The following AKT3 variants were observed in gnomAD, a reference collection of about 807,000 sequenced individuals.
AKT3 encodes the protein RAC-gamma serine/threonine-protein kinase.
A neutral mutation model predicts 65.3 loss-of-function variants in AKT3; 15 were observed. The observed-to-expected ratio is 0.23, with a 90% CI of 0.15 to 0.35. The LOEUF (loss-of-function observed/expected upper bound fraction) is 0.35, where lower values mean the gene tolerates loss of function less well. Among genes scored for constraint, AKT3 ranks in the 10% least tolerant of loss-of-function variants. The probability of loss-of-function intolerance (pLI) is 1.00; values close to 1 mark genes in which losing one functional copy is unlikely to be tolerated. For missense variants in AKT3, 243 were observed against 576.5 expected, an observed-to-expected ratio of 0.42 and a Z score of 5.92; for synonymous variants, 206 against 183.8, an observed-to-expected ratio of 1.12 and a Z score of -0.98.
chr1:243,506,510 AGAG>A (rs1375399759), intron 13 of AKT3, among the ~76,000 whole-genome samples: 2 of 152,246 alleles, frequency 1.3e-5, no homozygotes, highest in African/African-American at 4.8e-5. Flanking sequence ...GTCACTCCGA[AGAG>A]GAGGGGGCTC....
At chr1:243,796,772 A>G (rs1006730858) in intron 2 of AKT3, among the ~76,000 whole-genome samples, 11 of 152,108 alleles carry the variant, frequency 7.2e-5, no homozygotes, top group African/African-American at 2.7e-4. Context: ...AATGTGGTAC[A>G]TCCATATTAT....
chr1:243,579,870 T>G, intron 8 of AKT3, among the ~76,000 whole-genome samples: 1 of 152,128 alleles, frequency 6.6e-6, no homozygotes, highest in East Asian at 1.9e-4. Context: ...CAACAATAAT[T>G]AACTCTGAAG....
chr1:243,836,982 C>G (rs1694935067), intron 2 of AKT3, among the ~76,000 whole-genome samples: 6 of 150,030 alleles, frequency 4.0e-5, no homozygotes, highest in African/African-American at 1.5e-4. Context: ...AAAAAGAGAG[C>G]AAGTATATAA....
chr1:243,753,929 T>C (rs1202288138), intron 2 of AKT3, among the ~76,000 whole-genome samples: 1 of 152,172 alleles, frequency 6.6e-6, no homozygotes, highest in Non-Finnish European at 1.5e-5. Context: ...TAATGTGACA[T>C]AGGTTAGCGC....
intron 13 of AKT3, among the ~76,000 whole-genome samples, chr1:243,511,458 A>T (rs1670009197): frequency 6.6e-6 from 1 of 152,150 alleles, no homozygotes; most frequent in Admixed American, 6.5e-5. Flanking sequence ...AGTCCACATC[A>T]GCACTATGGA....
chr1:243,704,644 C>A (rs559269514), intron 2 of AKT3, among the ~76,000 whole-genome samples: 1 of 152,190 alleles, frequency 6.6e-6, no homozygotes, highest in South Asian at 2.1e-4. Flanking sequence ...GCGTAGGATT[C>A]TTCGATTTGC....
At chr1:243,642,206 T>C (rs897582379) in intron 5 of AKT3, among the ~76,000 whole-genome samples, 7 of 152,268 alleles carry the variant, frequency 4.6e-5, no homozygotes, top group African/African-American at 1.7e-4. Context: ...CAGAATGGTA[T>C]ACACAGTAAT....
At position 243,832,613 on chromosome 1, in the gene AKT3, T is replaced by C. The variant is rs538686933; in HGVS notation, c.46+10512A>G. Among the ~76,000 whole-genome samples, 11 of 152,284 alleles carry C rather than the reference T, an allele frequency of 7.2e-5. No individual in the cohort carries two copies. The South Asian group carries it at 2.3e-3, about 32-fold the overall frequency. On this transcript the variant is annotated intron_variant, in intron 2 of 13. Transcript: ENST00000673466. ...GGAAACTGACTGTAAAGAAGGGAGCTACAAATGAGATTCGCACTGATGTGG... is the reference window on the plus strand; with the variant it reads ...GGAAACTGACTGTAAAGAAGGGAGCCACAAATGAGATTCGCACTGATGTGG...
At chr1:243,810,215 CA>C (rs1335062887) in intron 2 of AKT3, among the ~76,000 whole-genome samples, 1 of 152,032 alleles carries the variant, frequency 6.6e-6, no homozygotes, top group Non-Finnish European at 1.5e-5. Flanking sequence ...AAAAACCCTT[CA>C]AAAAATCAGT....
intron 9 of AKT3, among the ~76,000 whole-genome samples, chr1:243,571,392 C>A (rs979934035): frequency 6.6e-6 from 1 of 152,156 alleles, no homozygotes; most frequent in African/African-American, 2.4e-5. Context: ...CTGACCAAGA[C>A]CATAATCAAT....
chr1:243,772,739 T>C (rs1354587366), intron 2 of AKT3, among the ~76,000 whole-genome samples: 1 of 152,056 alleles, frequency 6.6e-6, no homozygotes, highest in Non-Finnish European at 1.5e-5. Context: ...CATGCACACA[T>C]ATGTTTATTG....
At chr1:243,700,006 C>G (rs532198063) in intron 2 of AKT3, among the ~76,000 whole-genome samples, 2 of 152,306 alleles carry the variant, frequency 1.3e-5, no homozygotes, top group African/African-American at 4.8e-5. Flanking sequence ...TGTGAACCTG[C>G]TGACACCTTG....
chr1:243,605,072 T>A (rs1012023774), intron 8 of AKT3, among the ~76,000 whole-genome samples: 5 of 152,220 alleles, frequency 3.3e-5, no homozygotes, highest in African/African-American at 1.2e-4. Context: ...TTGCCCACGC[T>A]GGAGTGCAGT....
At chr1:243,622,883 T>TA (rs748458396) in intron 6 of AKT3, among the ~76,000 whole-genome samples, 3 of 152,082 alleles carry the variant, frequency 2.0e-5, no homozygotes, top group Non-Finnish European at 2.9e-5. Context: ...AGTAAGAACT[T>TA]AAGAGTCCAA....
chr1:243,660,958 C>T (rs921025328), intron 4 of AKT3, among the ~76,000 whole-genome samples: 79 of 152,228 alleles, frequency 5.2e-4, no homozygotes, highest in East Asian at 2.7e-3. Context: ...CCATTCACAA[C>T]TGCTTCAAAG....
At chr1:243,544,927 G>T (rs1672562024) in intron 12 of AKT3, among the ~76,000 whole-genome samples, 1 of 151,386 alleles carries the variant, frequency 6.6e-6, no homozygotes, top group African/African-American at 2.4e-5. Flanking sequence ...AAAACTCCTG[G>T]CCTCAAGTGA....
chr1:243,598,552 G>A (rs1414644437), intron 8 of AKT3, among the ~76,000 whole-genome samples: 3 of 152,126 alleles, frequency 2.0e-5, no homozygotes, highest in Non-Finnish European at 4.4e-5. Context: ...AACTGCACTA[G>A]AGTGTAGCTG....
chr1:243,811,657 AT>A (rs1327761856), intron 2 of AKT3, among the ~76,000 whole-genome samples: 1 of 152,230 alleles, frequency 6.6e-6, no homozygotes, highest in Non-Finnish European at 1.5e-5. Flanking sequence ...TCTTTACAGA[AT>A]TGGAAAAAAC....
intron 8 of AKT3, among the ~76,000 whole-genome samples, chr1:243,573,923 C>T (rs557995277): frequency 4.2e-4 from 64 of 152,178 alleles, no homozygotes; most frequent in African/African-American, 1.5e-3. Flanking sequence ...GAAGAAAGAG[C>T]AGGTTTCAGG....
Sources: allele counts gnomAD v4.1 joint callset (sites outside exome capture counted in the v4.1 genomes callset), GRCh38; gene constraint gnomAD v4.1.1; transcripts MANE v1.5; gene names NCBI Gene and HGNC (gene_info 2026-07-23, HGNC 2026-07-21).